GPC1: variants seen among roughly 807,000 people sequenced by gnomAD.
The protein encoded by GPC1 is glypican 1.
A neutral mutation model predicts 51.5 loss-of-function variants in GPC1; 26 were observed. The observed-to-expected ratio is 0.50, with a 90% CI of 0.37 to 0.70. The LOEUF (loss-of-function observed/expected upper bound fraction) is 0.70. Ranked by LOEUF, GPC1 falls within the 30% of genes least tolerant of loss-of-function variation. The probability of loss-of-function intolerance (pLI) is 0.00; values close to 1 mark genes in which losing one functional copy is unlikely to be tolerated. For synonymous variants in GPC1, 380 were observed against 348.3 expected, an observed-to-expected ratio of 1.09 and a Z score of -1.01; for missense variants, 775 against 800.5, an observed-to-expected ratio of 0.97 and a Z score of 0.38.
chr2:240,466,993 C>T lies in GPC1; in HGVS notation c.*703C>T, dbSNP rs566232472. The T allele has an allele frequency of 4.6e-5, 7 of 152,428 alleles. No homozygotes were observed. In the East Asian group the frequency reaches 7.7e-4, roughly 17 times the overall value. The allele number at this position is 152,428 out of a possible 1,614,324, so 9.4% of individuals were successfully genotyped here. ...ATGAGGGGCCACTGACCCACCTGCG[C>T]TTCTGCTGGAGGAGGGGAAGCTGGG... On this transcript the variant is annotated 3_prime_UTR_variant, in exon 9 of 9. Coordinates refer to ENST00000264039, the MANE Select transcript of GPC1 (RefSeq NM_002081.3).
chr2:240,455,421 G>A (rs1157048119), intron 1 of GPC1, among the ~76,000 whole-genome samples: 1 of 152,208 alleles, frequency 6.6e-6, no homozygotes, highest in African/African-American at 2.4e-5. Context: ...GCAGCCCCAG[G>A]GCCAGAGGGA....
At position 240,466,437 on chromosome 2, in the gene GPC1, C is replaced by A; in HGVS notation, c.*147C>A. 1.7e-6 allele frequency: 1 copy of A among 594,274 alleles called. No homozygotes were observed. The highest frequency in any genetic ancestry group is 3.0e-6 in the Non-Finnish European group (1 of 331,090). The allele number at this position is 594,274 out of a possible 1,614,324, so 36.8% of individuals were successfully genotyped here. The stretch of plus-strand genomic sequence containing the variant: ...TGAGCAGGGGCAGGCGCAGAGGTCC[C>A]AGCCCCAGGCCTGGCCTCGCCTGCC... On this transcript the variant is annotated 3_prime_UTR_variant, in exon 9 of 9. Coordinates refer to ENST00000264039, the MANE Select transcript of GPC1 (RefSeq NM_002081.3).
intron 1 of GPC1, among the ~76,000 whole-genome samples, chr2:240,454,063 C>CG (rs71046002): frequency 9.9e-5 from 9 of 91,058 alleles, no homozygotes; most frequent in East Asian, 8.2e-4. Context: ...GAAATGGTGG[C>CG]GGGGGGGCTT....
At chr2:240,457,546 G>C in intron 1 of GPC1, 1 of 452,670 alleles carries the variant, frequency 2.2e-6, no homozygotes, top group Non-Finnish European at 4.7e-6. Flanking sequence ...GGCCTGAGGG[G>C]TGACTTCTCT....
In GPC1 at chr2:240,437,637, G is replaced by A. The variant is rs2073992450; in HGVS notation, c.166+1553G>A. 2.0e-5 allele frequency among the ~76,000 whole-genome samples: 3 copies of A among 152,284 alleles called. No individual in the cohort carries two copies. The South Asian group carries it at 6.2e-4, about 32-fold the overall frequency. ...CAAGGCCCTCGGCACAGTTGGGTTCGTTCTCTGCCCCTCTACTCACACATA... is the reference window on the plus strand; with the variant it reads ...CAAGGCCCTCGGCACAGTTGGGTTCATTCTCTGCCCCTCTACTCACACATA... On this transcript the variant is annotated intron_variant, in intron 1 of 8. Transcript: ENST00000264039.
At chr2:240,444,642 C>G (rs1288522912) in intron 1 of GPC1, among the ~76,000 whole-genome samples, 1 of 152,148 alleles carries the variant, frequency 6.6e-6, no homozygotes, top group Non-Finnish European at 1.5e-5. Flanking sequence ...CACCTTCAGA[C>G]GATTTCCCCA....
At chr2:240,446,381 G>A (rs746107779) in intron 1 of GPC1, among the ~76,000 whole-genome samples, 1 of 152,230 alleles carries the variant, frequency 6.6e-6, no homozygotes, top group Admixed American at 6.5e-5. Flanking sequence ...CGCAGTTAGC[G>A]CAGAGACAGG....
chr2:240,464,830 C>G (rs965922021), intron 5 of GPC1, 26 bp from the exon 6 acceptor site: 10 of 1,562,798 alleles, frequency 6.4e-6, no homozygotes, highest in South Asian at 2.3e-5. Context: ...CCACTACCCC[C>G]CAAGGACCCT....
rs775242022 is a variant in GPC1 at position 240,465,645 on chromosome 2, G to C, written c.1441G>C (p.Ala481Pro). 6.2e-7 allele frequency: 1 copy of C among 1,612,354 alleles called. No homozygotes were observed. The highest frequency in any genetic ancestry group is 8.5e-7 in the Non-Finnish European group (1 of 1,179,738). The change falls in exon 8 of 9, where the codon GCC becomes CCC. Residue 481 changes from alanine (A) to proline (P), a missense_variant. By Grantham distance (27) the Ala-to-Pro change is conservative (BLOSUM62 -1). Transcript: ENST00000264039. Reference sequence around the variant, plus strand: ...CGGCAACGACGTGGACTTCCAGGACGCCAGTGAGGGCAGGGCCTGGCCGGG... The same window carrying C: ...CGGCAACGACGTGGACTTCCAGGACCCCAGTGAGGGCAGGGCCTGGCCGGG... ...YNGNDVDFQD[A>P]SDDGSGSGSG...
In GPC1 at chr2:240,463,566, G is replaced by C. The variant is rs183254784; in HGVS notation, c.883+54G>C. 38 of 1,480,326 alleles carry C rather than the reference G, an allele frequency of 2.6e-5. No homozygotes were observed. The Admixed American group carries it at 3.3e-4, about 13-fold the overall frequency. The allele number at this position is 1,480,326 out of a possible 1,614,324, so 91.7% of individuals were successfully genotyped here. A position where few individuals can be genotyped will look rare whatever the true frequency, so the allele number is the denominator to read the frequency against. On this transcript the variant is annotated intron_variant, in intron 4 of 8. Coordinates refer to ENST00000264039, the MANE Select transcript of GPC1 (RefSeq NM_002081.3). ...GAACTGTCTTGGGGAGTGCACGACT[G>C]GGGGTCCTGGGGGGCGGGTGGTCCC...
chr2:240,462,271 C>T lies in GPC1; in HGVS notation c.406C>T (p.Gln136Ter), dbSNP rs1325740957. Residue 136 changes from glutamine (Q) to a stop codon, truncating the protein, a stop_gained, in exon 3 of 9, where the codon CAG becomes TAG. Transcript: ENST00000264039. LOFTEE classifies it high-confidence loss of function. Reference protein sequence around the residue: ...FPGAFGELYTQNARAFRDLYS... With the variant: ...FPGAFGELYT ...CGGCGCCTTCGGAGAGCTGTACACG[C>T]AGAACGCGAGGGCCTTCCGGGACCT... 1 of 1,610,488 alleles carries T rather than the reference C, an allele frequency of 6.2e-7. No homozygotes were observed. The highest frequency in any genetic ancestry group is 1.7e-5 in the Admixed American group (1 of 59,790).
rs1383292442 is a variant in GPC1, at chr2:240,467,471, GTCAC to G, written c.*1187_*1190del. 2 of 152,244 alleles carry G rather than the reference GTCAC, an allele frequency of 1.3e-5. No homozygotes were observed. Among genetic ancestry groups the G allele is most frequent in the Non-Finnish European group, 2.9e-5 (2 of 68,054 alleles). The allele number at this position is 152,244 out of a possible 1,614,324, so 9.4% of individuals were successfully genotyped here. On this transcript the variant is annotated 3_prime_UTR_variant, in exon 9 of 9. Coordinates refer to ENST00000264039, the MANE Select transcript of GPC1 (RefSeq NM_002081.3). ...CCACCTTGGACCCTGGTGACCTCCTGTCACTCACTGAGGCCATCAGGGCCCTGCC... is the reference window on the plus strand; with the variant it reads ...CCACCTTGGACCCTGGTGACCTCCTGTCACTGAGGCCATCAGGGCCCTGCC...
chr2:240,438,247 C>T (rs2073996227), intron 1 of GPC1, among the ~76,000 whole-genome samples: 1 of 152,214 alleles, frequency 6.6e-6, no homozygotes, highest in Non-Finnish European at 1.5e-5. Context: ...ACAGGAACCT[C>T]TCTCCCTGCA....
intron 1 of GPC1, among the ~76,000 whole-genome samples, chr2:240,447,778 G>A (rs2074061913): frequency 6.6e-6 from 1 of 152,186 alleles, no homozygotes; most frequent in Non-Finnish European, 1.5e-5. Context: ...TGTCAGGGAG[G>A]CCTATTCTTT....
At chr2:240,452,473 C>A in intron 1 of GPC1, 1 of 152,646 alleles carries the variant, frequency 6.6e-6, no homozygotes, top group Non-Finnish European at 1.5e-5. Flanking sequence ...CACCCCGCCC[C>A]CATTACCCTC....
chr2:240,437,632 G>A (rs949229985), intron 1 of GPC1, among the ~76,000 whole-genome samples: 1 of 152,178 alleles, frequency 6.6e-6, no homozygotes, highest in Admixed American at 6.5e-5. Flanking sequence ...GGCACAGTTG[G>A]GTTCGTTCTC....
At position 240,463,288 on chromosome 2, in the gene GPC1, G is replaced by A. The variant is rs910998198; in HGVS notation, c.718-59G>A. The stretch of plus-strand genomic sequence containing the variant: ...CTACCCTGGGGCTTCGTTAGGGGCT[G>A]GCCGGGGCCAGGCACCCCCAGGGCC... On this transcript the variant is annotated intron_variant, in intron 3 of 8. Coordinates refer to ENST00000264039, the MANE Select transcript of GPC1 (RefSeq NM_002081.3). The A allele has an allele frequency of 1.1e-5, 17 of 1,505,268 alleles. No homozygotes were observed. The African/African-American group carries it at 2.1e-4, about 18-fold the overall frequency. The allele number at this position is 1,505,268 out of a possible 1,614,324, so 93.2% of individuals were successfully genotyped here.
Position 240,463,637 on chromosome 2 carries a change from C to A in GPC1, c.883+125C>A, listed in dbSNP as rs969667994. On this transcript the variant is annotated intron_variant, in intron 4 of 8. Coordinates refer to ENST00000264039, the MANE Select transcript of GPC1 (RefSeq NM_002081.3). Reference sequence around the variant, plus strand: ...GGGACCTGATCAGGGATGCCCTGACCCGGGCCAGATCTGGGTGGTGCTGCA... The same window carrying A: ...GGGACCTGATCAGGGATGCCCTGACACGGGCCAGATCTGGGTGGTGCTGCA... 3 of 781,834 alleles carry A rather than the reference C, an allele frequency of 3.8e-6. No homozygotes were observed. The African/African-American group carries it at 5.2e-5, about 13-fold the overall frequency. 48.4% of individuals were successfully genotyped at this position (781,834 alleles called of 1,614,324 possible).
intron 1 of GPC1, chr2:240,453,052 C>A: frequency 2.9e-6 from 1 of 339,814 alleles, no homozygotes; most frequent in Non-Finnish European, 5.8e-6. Context: ...CGCTGGAAGC[C>A]AGGCCCGAGG....
Sources: allele counts gnomAD v4.1 joint callset (sites outside exome capture counted in the v4.1 genomes callset), GRCh38; gene constraint gnomAD v4.1.1; transcripts MANE v1.5; gene names NCBI Gene and HGNC (gene_info 2026-07-23, HGNC 2026-07-21).